The following USP48 variants were observed in gnomAD, a reference collection of about 807,000 sequenced individuals.
USP48 encodes ubiquitin carboxyl-terminal hydrolase 48.
USP48 carries 43 observed loss-of-function variants against 150.7 expected under a neutral mutation model. The observed-to-expected ratio is 0.29, with a 90% confidence interval of 0.22 to 0.37. The LOEUF (loss-of-function observed/expected upper bound fraction) is 0.37. Among genes scored for constraint, USP48 ranks in the 10% least tolerant of loss-of-function variants. The probability of loss-of-function intolerance (pLI) is 1.00; values close to 1 mark genes in which losing one functional copy is unlikely to be tolerated. For synonymous variants in USP48, 396 were observed against 425.9 expected, an observed-to-expected ratio of 0.93 and a Z score of 0.86; for missense variants, 813 against 1,249.6, an observed-to-expected ratio of 0.65 and a Z score of 5.27.
chr1:21,723,914 T>C lies in USP48; in HGVS notation c.1632A>G (p.Gly544=). ...TTGAATTACCAGTTAGTCTTGGACC[T>C]CCTCCATATCTACTATAGAAAATGT... ...AADIFYSRYG[G]GPRLTVKALC... Residue 544 remains glycine, a synonymous_variant, in exon 12 of 27, where the codon GGA becomes GGG. Coordinates refer to ENST00000308271, the MANE Select transcript of USP48 (RefSeq NM_032236.8). 6.2e-7 allele frequency: 1 copy of C among 1,613,780 alleles called. No homozygotes were observed. Among genetic ancestry groups the C allele is most frequent in the Non-Finnish European group, 8.5e-7 (1 of 1,179,760 alleles).
In USP48 at chr1:21,780,880, T is replaced by C. The variant is rs369422245; in HGVS notation, c.134+1944A>G. ...CCTCAGCCACCCCAGTAGCTGGGAT[T>C]ACAGGCGCCCGCCACCACCCCCGGC... On this transcript the variant is annotated intron_variant, in intron 1 of 26. Coordinates refer to ENST00000308271, the MANE Select transcript of USP48 (RefSeq NM_032236.8). 4.0e-5 allele frequency among the ~76,000 whole-genome samples: 6 copies of C among 150,584 alleles called. No homozygotes were observed. The East Asian group carries it at 1.2e-3, about 30-fold the overall frequency.
chr1:21,741,693 T>C (rs1282524899), intron 8 of USP48, among the ~76,000 whole-genome samples: 1 of 152,058 alleles, frequency 6.6e-6, no homozygotes, highest in East Asian at 1.9e-4. Flanking sequence ...ATATGAAAAA[T>C]AGGCCAGGTG....
At chr1:21,690,921 T>G (rs1287593666) in intron 23 of USP48, among the ~76,000 whole-genome samples, 1 of 151,750 alleles carries the variant, frequency 6.6e-6, no homozygotes, top group African/African-American at 2.4e-5. Context: ...CCTTTGGAAC[T>G]GTCACATATT....
At chr1:21,685,693 G>A (rs940649166) in intron 25 of USP48, among the ~76,000 whole-genome samples, 1 of 152,132 alleles carries the variant, frequency 6.6e-6, no homozygotes, top group African/African-American at 2.4e-5. Flanking sequence ...ATTTTTGTTA[G>A]GTAAACATGA....
chr1:21,681,004 G>A (rs997753004), intron 25 of USP48, 170 bp from the exon 26 acceptor site: 3 of 576,344 alleles, frequency 5.2e-6, no homozygotes, highest in Non-Finnish European at 3.0e-6. Flanking sequence ...AACAATCTTT[G>A]TTTCTGTTTT....
At chr1:21,767,889 A>C (rs995321486) in intron 1 of USP48, among the ~76,000 whole-genome samples, 1 of 152,182 alleles carries the variant, frequency 6.6e-6, no homozygotes, top group African/African-American at 2.4e-5. Context: ...AAGGTCTCAT[A>C]AATTAGACAT....
At chr1:21,735,405 G>A (rs1257416204) in intron 9 of USP48, among the ~76,000 whole-genome samples, 1 of 152,120 alleles carries the variant, frequency 6.6e-6, no homozygotes, top group African/African-American at 2.4e-5. Flanking sequence ...TTCGAAACTA[G>A]CCTGGGCAAC....
intron 1 of USP48, among the ~76,000 whole-genome samples, chr1:21,773,008 CA>C (rs1323881067): frequency 6.6e-6 from 1 of 150,620 alleles, no homozygotes; most frequent in Non-Finnish European, 1.5e-5. Context: ...GCCTGTAATC[CA>C]ACACTTTGAG....
At chr1:21,707,014 G>GC in intron 15 of USP48, 146 bp from the exon 16 acceptor site, 1 of 977,788 alleles carries the variant, frequency 1.0e-6, no homozygotes, top group Admixed American at 3.2e-5. Context: ...CTCTTTTCTT[G>GC]TTTTCAAAAA....
intron 1 of USP48, among the ~76,000 whole-genome samples, chr1:21,769,825 G>T (rs1392771479): frequency 6.6e-6 from 1 of 152,086 alleles, no homozygotes. Flanking sequence ...AGGCTGCAGT[G>T]AACTGTGATC....
At chr1:21,712,554 C>T (rs372608328) in intron 15 of USP48, among the ~76,000 whole-genome samples, 3 of 151,682 alleles carry the variant, frequency 2.0e-5, no homozygotes. Flanking sequence ...GTATCCTATA[C>T]CAGAAACATT....
rs1239272940 is a variant in USP48 at position 21,688,279 on chromosome 1, C to T, written c.3010-1040G>A. The stretch of plus-strand genomic sequence containing the variant: ...TGTTGCCCAGGCTGGAGTGCAGTGG[C>T]GCAATCTCGGCTCACTGCAACTTCC... On this transcript the variant is annotated intron_variant, in intron 24 of 26. Transcript: ENST00000308271. 7.2e-5 allele frequency among the ~76,000 whole-genome samples: 11 copies of T among 151,998 alleles called. No homozygotes were observed. In the East Asian group the frequency reaches 1.6e-3, roughly 22 times the overall value.
chr1:21,701,990 G>T (rs2097658354), intron 21 of USP48, among the ~76,000 whole-genome samples: 1 of 152,136 alleles, frequency 6.6e-6, no homozygotes, highest in African/African-American at 2.4e-5. Context: ...GGAGTTACAT[G>T]CTCTTTAAGA....
intron 8 of USP48, among the ~76,000 whole-genome samples, chr1:21,737,473 G>A (rs1207868111): frequency 6.6e-6 from 1 of 151,946 alleles, no homozygotes; most frequent in Non-Finnish European, 1.5e-5. Context: ...AAAAAGAAAA[G>A]GCTTTATACA....
intron 18 of USP48, 117 bp from the exon 19 acceptor site, chr1:21,705,954 T>C: frequency 9.5e-7 from 1 of 1,052,790 alleles, no homozygotes; most frequent in Non-Finnish European, 1.3e-6. Context: ...AGTAATTCAA[T>C]GTGTTTCTTA....
At chr1:21,723,805 G>A (rs957550457) in intron 12 of USP48, 93 bp downstream of exon 12, 6 of 1,121,920 alleles carry the variant, frequency 5.3e-6, no homozygotes, top group Admixed American at 2.1e-5. Context: ...AGCATAGTTT[G>A]GGTCAAATCA....
chr1:21,747,530 A>G (rs2097797440), intron 7 of USP48, among the ~76,000 whole-genome samples: 1 of 152,186 alleles, frequency 6.6e-6, no homozygotes, highest in African/African-American at 2.4e-5. Flanking sequence ...AAAATAAAGG[A>G]CAATACAGAA....
At chr1:21,772,350 A>G (rs1420549108) in intron 1 of USP48, among the ~76,000 whole-genome samples, 1 of 152,098 alleles carries the variant, frequency 6.6e-6, no homozygotes, top group African/African-American at 2.4e-5. Flanking sequence ...CGGGCCGGGC[A>G]TGGTGGGTCA....
chr1:21,679,373 C>A lies in USP48; in HGVS notation c.*44G>T. 3.7e-6 allele frequency: 6 copies of A among 1,613,460 alleles called. No individual in the cohort carries two copies. Among genetic ancestry groups the A allele is most frequent in the Non-Finnish European group, 5.1e-6 (6 of 1,179,368 alleles). On this transcript the variant is annotated 3_prime_UTR_variant, in exon 27 of 27. Coordinates refer to ENST00000308271, the MANE Select transcript of USP48 (RefSeq NM_032236.8). ...TAATGCCCTAACATGTCAAACTCCT[C>A]TTCCCCTCTGGTCATTTCTTAGCAG...
Sources: gnomAD v4.1 joint callset for allele counts (sites outside exome capture counted in the v4.1 genomes callset) on GRCh38, gnomAD v4.1.1 for gene constraint, MANE v1.5 for transcripts, NCBI Gene and HGNC (gene_info 2026-07-23, HGNC 2026-07-21) for gene names.